BET1: variants seen among roughly 807,000 people sequenced by gnomAD.
BET1 encodes BET1 homolog.
A neutral mutation model predicts 13.9 loss-of-function variants in BET1; 9 were observed. The ratio of observed to expected loss-of-function variants is 0.65; its 90% CI spans 0.39 to 1.13. The LOEUF (loss-of-function observed/expected upper bound fraction) is 1.13. Among genes scored for constraint, BET1 ranks in the 50% most tolerant of loss-of-function variants. BET1 has a pLI of 0.01. For missense variants in BET1, 127 were observed against 133.6 expected, an observed-to-expected ratio of 0.95 and a Z score of 0.24; for synonymous variants, 39 against 47.3, an observed-to-expected ratio of 0.82 and a Z score of 0.72.
chr7:93,964,392 C>T (rs532234665), exon 7 of BET1: 2 of 152,046 alleles, frequency 1.3e-5, no homozygotes, highest in South Asian at 2.1e-4. Flanking sequence ...TGCATTAATT[C>T]GATTAGGATT....
chr7:93,998,469 C>A (rs908785224), intron 2 of BET1, among the ~76,000 whole-genome samples: 4 of 151,910 alleles, frequency 2.6e-5, no homozygotes, highest in Non-Finnish European at 4.4e-5. Flanking sequence ...GAGGCCAAGG[C>A]GGGCGGATCA....
At chr7:93,988,134 C>A (rs917010889) in intron 4 of BET1, among the ~76,000 whole-genome samples, 1 of 152,244 alleles carries the variant, frequency 6.6e-6, no homozygotes, top group East Asian at 1.9e-4. Flanking sequence ...AAGATGAAAA[C>A]CAAAGCATCA....
chr7:93,979,543 A>T (rs984279036), intron 4 of BET1, among the ~76,000 whole-genome samples: 1 of 152,066 alleles, frequency 6.6e-6, no homozygotes, highest in African/African-American at 2.4e-5. Flanking sequence ...CACATCAGCA[A>T]CCACATATGA....
chr7:94,004,305 C>T lies in BET1; in HGVS notation c.-89G>A. The T allele has an allele frequency of 1.3e-6, 2 of 1,564,508 alleles. No individual in the cohort carries two copies. Among genetic ancestry groups the T allele is most frequent in the Non-Finnish European group, 8.8e-7 (1 of 1,135,980 alleles). ...GCGACCCGGACCGCGTCTTCAGTAC[C>T]AGGGCCCAGCGAAACACCAACTTCT... On this transcript the variant is annotated 5_prime_UTR_variant, in exon 1 of 4. The change creates a premature stop within an existing upstream ORF in the 5' untranslated region. Transcript: ENST00000222547.
intron 6 of BET1, chr7:93,972,452 T>C (rs1294097150): frequency 6.6e-6 from 1 of 151,884 alleles, no homozygotes; most frequent in Non-Finnish European, 1.5e-5. Flanking sequence ...GATGGGGAAA[T>C]AGAAAGCCAG....
At chr7:93,976,450 A>T (rs1795338239) in intron 4 of BET1, among the ~76,000 whole-genome samples, 1 of 152,154 alleles carries the variant, frequency 6.6e-6, no homozygotes, top group Non-Finnish European at 1.5e-5. Context: ...TTAAAATGGC[A>T]CAATGACCTT....
chr7:94,004,155 C>G (rs1357536527), intron 1 of BET1, 43 bp downstream of exon 1: 1 of 1,613,728 alleles, frequency 6.2e-7, no homozygotes, highest in East Asian at 2.2e-5. Flanking sequence ...CCAGCGCTCC[C>G]GGTTCTAGGG....
intron 1 of BET1, among the ~76,000 whole-genome samples, chr7:94,001,156 T>C (rs1049236228): frequency 6.6e-6 from 1 of 152,214 alleles, no homozygotes; most frequent in Non-Finnish European, 1.5e-5. Context: ...ACAGCTCTGA[T>C]TGTATGTAAC....
chr7:94,003,681 C>A (rs1331599348), intron 1 of BET1, among the ~76,000 whole-genome samples: 1 of 152,162 alleles, frequency 6.6e-6, no homozygotes. Context: ...TAAGAAATCG[C>A]CTTTGACCCA....
Position 93,996,333 on chromosome 7 carries a change from A to C in BET1, c.145-12T>G. The C allele has an allele frequency of 1.9e-6, 3 of 1,552,246 alleles. No homozygotes were observed. The South Asian group carries it at 3.6e-5, about 19-fold the overall frequency. ...ATTTCAATGGAAAGCTATAAAGAAGAAGGTATACACAGGATTACTCACATA... is the reference window on the plus strand; with the variant it reads ...ATTTCAATGGAAAGCTATAAAGAAGCAGGTATACACAGGATTACTCACATA... On this transcript the variant is annotated splice_polypyrimidine_tract_variant and intron_variant, in intron 2 of 3. Coordinates refer to ENST00000222547, the MANE Select transcript of BET1 (RefSeq NM_005868.6).
At chr7:93,978,493 T>C (rs1184131152) in intron 4 of BET1, among the ~76,000 whole-genome samples, 1 of 152,226 alleles carries the variant, frequency 6.6e-6, no homozygotes, top group African/African-American at 2.4e-5. Flanking sequence ...ATTTCCCCCT[T>C]GATGCATTTC....
At chr7:93,974,122 T>C (rs1023796948) in intron 5 of BET1, among the ~76,000 whole-genome samples, 1 of 151,974 alleles carries the variant, frequency 6.6e-6, no homozygotes. Context: ...AAAAGTTATA[T>C]ATAAGAAAAG....
chr7:93,979,310 G>A (rs1795389852), intron 4 of BET1, among the ~76,000 whole-genome samples: 1 of 152,172 alleles, frequency 6.6e-6, no homozygotes, highest in African/African-American at 2.4e-5. Flanking sequence ...CCACTGTTCA[G>A]TGCAATGGCA....
At position 93,993,383 on chromosome 7, in the gene BET1, AAT is replaced by A. The variant is rs1795682110; in HGVS notation, c.*845_*846del. ...CTTTGTGTTTTTCTTTCCATAAACA[AAT>A]ACACTGGATTAAAGCAATAATACTC... is the stretch of plus-strand genomic sequence containing the variant. On this transcript the variant is annotated 3_prime_UTR_variant, in exon 4 of 4. Coordinates refer to ENST00000222547, the MANE Select transcript of BET1 (RefSeq NM_005868.6). The A allele has an allele frequency of 1.0e-6, 1 of 976,548 alleles. No homozygotes were observed. The highest frequency in any genetic ancestry group is 6.2e-5 in the Admixed American group (1 of 16,240). The allele number at this position is 976,548 out of a possible 1,614,324, so 60.5% of individuals were successfully genotyped here.
chr7:93,994,099 C>T lies in BET1; in HGVS notation c.*131G>A. 1.0e-5 allele frequency: 15 copies of T among 1,440,994 alleles called. No homozygotes were observed. Among genetic ancestry groups the T allele is most frequent in the Non-Finnish European group, 1.4e-5 (15 of 1,103,486 alleles). The allele number at this position is 1,440,994 out of a possible 1,614,324, so 89.3% of individuals were successfully genotyped here. A position where few individuals can be genotyped will look rare whatever the true frequency, so the allele number is the denominator to read the frequency against. On this transcript the variant is annotated 3_prime_UTR_variant, in exon 4 of 4. Transcript: ENST00000222547. ...TAACTAATGTGATTTATAAAATAAG[C>T]AAAATTCAGCAATTTTCAATGGAAA...
chr7:93,963,416 A>C (rs935712938), exon 7 of BET1: 2 of 152,042 alleles, frequency 1.3e-5, no homozygotes, highest in Admixed American at 1.3e-4. Flanking sequence ...ATGCATGCTG[A>C]ATCTAGTAGT....
At chr7:93,987,662 G>C (rs1795552823) in intron 4 of BET1, among the ~76,000 whole-genome samples, 1 of 152,130 alleles carries the variant, frequency 6.6e-6, no homozygotes, top group South Asian at 2.1e-4. Flanking sequence ...TGTCTGGTGG[G>C]AAAGGGAGAG....
chr7:93,977,075 G>A (rs1004607939), intron 4 of BET1, among the ~76,000 whole-genome samples: 5 of 151,788 alleles, frequency 3.3e-5, no homozygotes, highest in African/African-American at 1.2e-4. Flanking sequence ...ATTTTCTTTG[G>A]ATACTCCAAC....
intron 4 of BET1, among the ~76,000 whole-genome samples, chr7:93,986,425 C>G (rs1584135891): frequency 6.6e-6 from 1 of 152,146 alleles, no homozygotes; most frequent in Non-Finnish European, 1.5e-5. Context: ...CTCTGATTCC[C>G]TTATATCAGC....
Sources: gnomAD v4.1 joint callset for allele counts (sites outside exome capture counted in the v4.1 genomes callset) on GRCh38, gnomAD v4.1.1 for gene constraint, MANE v1.5 for transcripts, NCBI Gene and HGNC (gene_info 2026-07-23, HGNC 2026-07-21) for gene names.